Variants in KALRN observed in about 807,000 individuals in gnomAD.
The protein encoded by KALRN is kalirin.
KALRN carries 70 observed loss-of-function variants against 353.7 expected under a neutral mutation model. The observed-to-expected ratio is 0.20, with a 90% CI of 0.16 to 0.24. KALRN has a LOEUF of 0.24. Among genes scored for constraint, KALRN ranks in the 10% least tolerant of loss-of-function variants. KALRN has a pLI of 1.00. For missense variants in KALRN, 2,791 were observed against 3,756.7 expected (o/e 0.74, Z 6.72); for synonymous variants, 1,391 against 1,434.8 (o/e 0.97, Z 0.69).
chr3:124,327,671 A>G (rs1461575793), intron 7 of KALRN, among the ~76,000 whole-genome samples: 1 of 152,240 alleles, frequency 6.6e-6, no homozygotes, highest in Non-Finnish European at 1.5e-5. Context: ...CTATGAGTAG[A>G]TAGGCTATCA....
chr3:124,483,090 G>C (rs1015835428), intron 28 of KALRN, among the ~76,000 whole-genome samples, 190 bp downstream of exon 28: 1 of 152,200 alleles, frequency 6.6e-6, no homozygotes, highest in Non-Finnish European at 1.5e-5. Context: ...AAGGCAGAAG[G>C]GGGAGAAAAG....
intron 1 of KALRN, among the ~76,000 whole-genome samples, chr3:124,174,671 G>A (rs983210173): frequency 6.6e-6 from 1 of 152,084 alleles, no homozygotes; most frequent in Non-Finnish European, 1.5e-5. Context: ...TTCCCCTCAG[G>A]CCCCCATGCA....
chr3:124,413,453 C>T lies in KALRN; in HGVS notation c.2347-17C>T. 1.2e-6 allele frequency: 2 copies of T among 1,610,812 alleles called. No homozygotes were observed. The highest frequency in any genetic ancestry group is 1.7e-6 in the Non-Finnish European group (2 of 1,177,828). ...GGACCTGGTGAGCCTGTGCTGATGA[C>T]AGTGGTTCCCTCACAGGTGACAGCA... On this transcript the variant is annotated splice_polypyrimidine_tract_variant and intron_variant, in intron 13 of 59. Transcript: ENST00000682506.
At chr3:124,629,866 T>C (rs1312706616) in intron 34 of KALRN, among the ~76,000 whole-genome samples, 1 of 152,082 alleles carries the variant, frequency 6.6e-6, no homozygotes, top group East Asian at 1.9e-4. Flanking sequence ...TATGTATAGC[T>C]AGGTAAGAGG....
chr3:124,407,322 A>G (rs1408010326), intron 13 of KALRN, among the ~76,000 whole-genome samples: 1 of 151,928 alleles, frequency 6.6e-6, no homozygotes, highest in African/African-American at 2.4e-5. Flanking sequence ...TCTTTTATAT[A>G]TATATATATA....
Position 124,724,374 on chromosome 3 carries a change from C to T in KALRN, c.*4904C>T, listed in dbSNP as rs1224361558. 1 of 152,100 alleles carries T rather than the reference C, an allele frequency of 6.6e-6. No individual in the cohort carries two copies. The highest frequency in any genetic ancestry group is 1.5e-5 in the Non-Finnish European group (1 of 68,018). The allele number at this position is 152,100 out of a possible 1,614,324, so 9.4% of individuals were successfully genotyped here. On this transcript the variant is annotated 3_prime_UTR_variant, in exon 60 of 60. Transcript: ENST00000682506. ...AATGTAGACCTTCTTCCTTTCTCTCCTGGGTCGCACCTCTGTGGAGTCTGG... is the reference window on the plus strand; with the variant it reads ...AATGTAGACCTTCTTCCTTTCTCTCTTGGGTCGCACCTCTGTGGAGTCTGG...
chr3:124,174,267 CTA>C (rs1240625243), intron 1 of KALRN, among the ~76,000 whole-genome samples: 1 of 151,894 alleles, frequency 6.6e-6, no homozygotes, highest in Non-Finnish European at 1.5e-5. Context: ...AATCCCATCT[CTA>C]TTAAAAATAC....
intron 15 of KALRN, among the ~76,000 whole-genome samples, chr3:124,424,557 C>A (rs963124799): frequency 1.3e-5 from 2 of 152,140 alleles, no homozygotes; most frequent in African/African-American, 4.8e-5. Context: ...TGCTAAAGAT[C>A]TGTATTCAGC....
chr3:124,420,589 G>GTTGGC (rs896953930), intron 14 of KALRN, among the ~76,000 whole-genome samples: 4 of 152,186 alleles, frequency 2.6e-5, no homozygotes, highest in Admixed American at 6.5e-5. Flanking sequence ...ACTGGAAGGA[G>GTTGGC]TTGGCTGCCA....
intron 10 of KALRN, among the ~76,000 whole-genome samples, chr3:124,349,645 TACTTAATACC>T (rs1487787173): frequency 3.9e-5 from 6 of 152,186 alleles, no homozygotes; most frequent in Non-Finnish European, 7.3e-5. Flanking sequence ...ACTGTGAATG[TACTTAATACC>T]ACTAAATTAT....
chr3:124,269,425 A>T (rs927151246), intron 5 of KALRN, among the ~76,000 whole-genome samples, 170 bp downstream of exon 5: 5 of 152,218 alleles, frequency 3.3e-5, no homozygotes, highest in Admixed American at 3.3e-4. Flanking sequence ...AGTGTGTATT[A>T]TGTGCCCAGT....
chr3:124,111,615 A>G (rs1318787396), intron 1 of KALRN, among the ~76,000 whole-genome samples: 1 of 152,222 alleles, frequency 6.6e-6, no homozygotes, highest in Non-Finnish European at 1.5e-5. Flanking sequence ...AAGCATAGTC[A>G]TGGTTCTTGT....
chr3:124,106,365 C>G (rs1474280710), intron 1 of KALRN, among the ~76,000 whole-genome samples: 1 of 152,180 alleles, frequency 6.6e-6, no homozygotes, highest in African/African-American at 2.4e-5. Flanking sequence ...TAGGTGCTTA[C>G]TGCTTCATTC....
At chr3:124,311,265 G>T (rs1449724071) in intron 6 of KALRN, among the ~76,000 whole-genome samples, 1 of 151,610 alleles carries the variant, frequency 6.6e-6, no homozygotes. Flanking sequence ...TTCGAGACCA[G>T]CCTGGCCAAC....
chr3:124,199,177 C>T (rs904476268), intron 1 of KALRN, among the ~76,000 whole-genome samples: 1 of 152,254 alleles, frequency 6.6e-6, no homozygotes, highest in Non-Finnish European at 1.5e-5. Flanking sequence ...GCATGCCTGA[C>T]ATTCACTCTT....
Position 124,362,968 on chromosome 3 carries a change from A to C in KALRN, c.1770+15703A>C, listed in dbSNP as rs567686235. Among the ~76,000 whole-genome samples, 8 of 152,348 alleles carry C rather than the reference A, an allele frequency of 5.3e-5. No individual in the cohort carries two copies. In the South Asian group the frequency reaches 1.7e-3, roughly 32 times the overall value. On this transcript the variant is annotated intron_variant, in intron 10 of 59. Coordinates refer to ENST00000682506, the MANE Select transcript of KALRN (RefSeq NM_001388419.1). ...TTCATCCGCTGTAGCTGTCACTCTG[A>C]TGAAACTTTGCAAGTTTATAAAGTT...
intron 1 of KALRN, among the ~76,000 whole-genome samples, chr3:124,181,076 C>CAAAAAAAAAAAAAAAAAAAAAAAA (rs60579271): frequency 7.2e-5 from 4 of 55,280 alleles, no homozygotes; most frequent in African/African-American, 3.0e-4. Context: ...ACTAAAAATA[C>CAAAAAAAAAAAAAAAAAAAAAAAA]AAAAAAAAAA....
intron 57 of KALRN, among the ~76,000 whole-genome samples, chr3:124,711,788 G>C (rs2150777760): frequency 6.6e-6 from 1 of 152,210 alleles, no homozygotes; most frequent in African/African-American, 2.4e-5. Context: ...AAATATTCCA[G>C]GGTGGAAAAA....
At chr3:124,196,655 G>A (rs2075463488) in intron 1 of KALRN, among the ~76,000 whole-genome samples, 1 of 152,028 alleles carries the variant, frequency 6.6e-6, no homozygotes, top group Admixed American at 6.5e-5. Context: ...ACATATATAT[G>A]ACAAAAATAA....
Sources: gnomAD v4.1 joint callset for allele counts (sites outside exome capture counted in the v4.1 genomes callset) on GRCh38, gnomAD v4.1.1 for gene constraint, MANE v1.5 for transcripts, NCBI Gene and HGNC (gene_info 2026-07-23, HGNC 2026-07-21) for gene names.